The following SGMS2 variants were observed in gnomAD, a reference collection of about 807,000 sequenced individuals.
SGMS2 encodes the protein sphingomyelin synthase 2.
In SGMS2, 21 loss-of-function variants were observed where a neutral mutation model predicts 43.8. The ratio of observed to expected loss-of-function variants is 0.48; its 90% CI spans 0.34 to 0.69. The LOEUF (loss-of-function observed/expected upper bound fraction) is 0.69. Among genes scored for constraint, SGMS2 ranks in the 30% least tolerant of loss-of-function variants. The pLI is 0.01. For missense variants in SGMS2, 384 were observed against 443.2 expected, an observed-to-expected ratio of 0.87 and a Z score of 1.20; for synonymous variants, 167 against 160.6, an observed-to-expected ratio of 1.04 and a Z score of -0.30.
In SGMS2 at chr4:107,913,771, CTA is replaced by C. The variant is rs1732270926; in HGVS notation, c.*3220_*3221del. The stretch of plus-strand genomic sequence containing the variant: ...CATTAGTGTCTCCCTTTATAACGAC[CTA>C]TGTTTTGTTTACTTTGAAACACCAA... On this transcript the variant is annotated 3_prime_UTR_variant, in exon 7 of 7. Transcript: ENST00000690982. 6.6e-6 allele frequency: 1 copy of C among 152,084 alleles called. No individual in the cohort carries two copies. The highest frequency in any genetic ancestry group is 2.4e-5 in the African/African-American group (1 of 41,426). 9.4% of individuals were successfully genotyped at this position (152,084 alleles called of 1,614,324 possible).
intron 4 of SGMS2, among the ~76,000 whole-genome samples, chr4:107,902,055 T>C (rs1731158151): frequency 6.6e-6 from 1 of 151,936 alleles, no homozygotes; most frequent in Middle Eastern, 3.2e-3. Flanking sequence ...TACAGGCATG[T>C]GCCACCATAC....
At chr4:107,887,698 G>A (rs906385795) in intron 2 of SGMS2, among the ~76,000 whole-genome samples, 3 of 152,088 alleles carry the variant, frequency 2.0e-5, no homozygotes, top group Non-Finnish European at 4.4e-5. Context: ...AGGATCACAG[G>A]TCATTGTAAA....
At chr4:107,834,142 C>T (rs754677073) in intron 1 of SGMS2, among the ~76,000 whole-genome samples, 32 of 152,212 alleles carry the variant, frequency 2.1e-4, no homozygotes, top group Non-Finnish European at 4.0e-4. Flanking sequence ...AAATACAGAG[C>T]AATCTGTGTT....
At chr4:107,855,713 G>A (rs1169856607) in intron 1 of SGMS2, among the ~76,000 whole-genome samples, 1 of 152,148 alleles carries the variant, frequency 6.6e-6, no homozygotes, top group Non-Finnish European at 1.5e-5. Context: ...ATTTGGTCTA[G>A]AGTATAGTTT....
intron 1 of SGMS2, among the ~76,000 whole-genome samples, chr4:107,832,661 A>G (rs1725955495): frequency 1.3e-5 from 2 of 152,336 alleles, no homozygotes; most frequent in East Asian, 3.9e-4. Flanking sequence ...CACCTGTTCA[A>G]ACATATGATC....
intron 2 of SGMS2, chr4:107,886,556 C>T (rs576050406): frequency 2.6e-5 from 4 of 151,824 alleles, no homozygotes; most frequent in Non-Finnish European, 4.4e-5. Context: ...CCAGCCCAGC[C>T]GTGGATTTGT....
chr4:107,858,657 T>C (rs2126028071), intron 2 of SGMS2, 104 bp downstream of exon 2: 1 of 150,034 alleles, frequency 6.7e-6, no homozygotes, highest in African/African-American at 2.5e-5. Context: ...GTCTATCAGT[T>C]GTCCTGCAGC....
chr4:107,852,610 T>C (rs771976173), intron 1 of SGMS2, among the ~76,000 whole-genome samples: 1 of 152,226 alleles, frequency 6.6e-6, no homozygotes, highest in East Asian at 1.9e-4. Context: ...ACACATATCA[T>C]TGTTTTATAC....
chr4:107,882,699 A>G (rs1729457577), intron 2 of SGMS2, among the ~76,000 whole-genome samples: 1 of 152,152 alleles, frequency 6.6e-6, no homozygotes, highest in African/African-American at 2.4e-5. Flanking sequence ...TGTTGTGACT[A>G]TTTTATTCTA....
intron 2 of SGMS2, chr4:107,894,237 G>C (rs945129421): frequency 6.6e-6 from 1 of 152,250 alleles, no homozygotes; most frequent in African/African-American, 2.4e-5. Flanking sequence ...GCAGTGGATT[G>C]TGCTTAAGTT....
At chr4:107,854,623 C>A (rs528575638) in intron 1 of SGMS2, among the ~76,000 whole-genome samples, 13 of 152,280 alleles carry the variant, frequency 8.5e-5, no homozygotes, top group African/African-American at 2.9e-4. Context: ...TTTCAGAGAT[C>A]TGGAACTGTC....
At chr4:107,837,321 G>T (rs1726243491) in intron 1 of SGMS2, among the ~76,000 whole-genome samples, 1 of 152,164 alleles carries the variant, frequency 6.6e-6, no homozygotes, top group Non-Finnish European at 1.5e-5. Flanking sequence ...AGTAGAGAGT[G>T]ACTGGGGCAG....
chr4:107,836,154 C>T (rs1726158412), intron 1 of SGMS2, among the ~76,000 whole-genome samples: 1 of 152,146 alleles, frequency 6.6e-6, no homozygotes, highest in African/African-American at 2.4e-5. Context: ...TCTACACTTA[C>T]AGATATCTCA....
chr4:107,897,587 A>G (rs2126126873), intron 3 of SGMS2, among the ~76,000 whole-genome samples: 1 of 152,260 alleles, frequency 6.6e-6, no homozygotes, highest in African/African-American at 2.4e-5. Flanking sequence ...ATTTAGCTGT[A>G]TTTTCATCTA....
chr4:107,902,086 C>CTTTT (rs574752893), intron 4 of SGMS2, among the ~76,000 whole-genome samples: 1 of 143,240 alleles, frequency 7.0e-6, no homozygotes, highest in Non-Finnish European at 1.5e-5. Context: ...TTGTTTTTTC[C>CTTTT]TTTTTTTTTT....
chr4:107,878,594 C>T (rs530082369), intron 2 of SGMS2, among the ~76,000 whole-genome samples: 3 of 152,120 alleles, frequency 2.0e-5, no homozygotes, highest in Admixed American at 6.5e-5. Flanking sequence ...ACCTATTTAT[C>T]TATTCTCTCC....
In SGMS2 at chr4:107,824,999, C is replaced by G. The variant is rs1356251228; in HGVS notation, c.-581C>G. 3 of 151,546 alleles carry G rather than the reference C, an allele frequency of 2.0e-5. No homozygotes were observed. In the East Asian group the frequency reaches 5.9e-4, roughly 30 times the overall value. The allele number at this position is 151,546 out of a possible 1,614,324, so 9.4% of individuals were successfully genotyped here. ...GCCCTCGGCGCGCACGGAGCCTGGC[C>G]GGTGCTGCAGCGCCGCCGAGTGCGG... On this transcript the variant is annotated 5_prime_UTR_variant, in exon 1 of 7. Transcript: ENST00000690982.
chr4:107,904,881 C>T (rs1345085251), intron 5 of SGMS2, among the ~76,000 whole-genome samples: 1 of 152,028 alleles, frequency 6.6e-6, no homozygotes, highest in Non-Finnish European at 1.5e-5. Context: ...TAAGATCAGT[C>T]ATTTTCTAGT....
chr4:107,886,783 C>A (rs1321125073), intron 2 of SGMS2: 1 of 152,194 alleles, frequency 6.6e-6, no homozygotes, highest in Non-Finnish European at 1.5e-5. Flanking sequence ...GCACACCATT[C>A]CAGCCTAAGC....
Sources: allele counts gnomAD v4.1 joint callset (sites outside exome capture counted in the v4.1 genomes callset), GRCh38; gene constraint gnomAD v4.1.1; transcripts MANE v1.5; gene names NCBI Gene and HGNC (gene_info 2026-07-23, HGNC 2026-07-21).